Variants in ATP8A2 observed in about 807,000 individuals in gnomAD.
ATP8A2 encodes the protein ATPase phospholipid transporting 8A2.
In ATP8A2, 100 loss-of-function variants were observed where a neutral mutation model predicts 165.6. The observed-to-expected ratio is 0.60, with a 90% CI of 0.51 to 0.71. The LOEUF (loss-of-function observed/expected upper bound fraction) is 0.71, where lower values mean the gene tolerates loss of function less well. Ranked by LOEUF, ATP8A2 falls within the 30% of genes least tolerant of loss-of-function variation. The probability of loss-of-function intolerance (pLI) is 0.00; values close to 1 mark genes in which losing one functional copy is unlikely to be tolerated. For missense variants in ATP8A2, 1,227 were observed against 1,479.5 expected, an observed-to-expected ratio of 0.83 and a Z score of 2.80; for synonymous variants, 543 against 548.8, an observed-to-expected ratio of 0.99 and a Z score of 0.15.
At chr13:25,924,732 G>A (rs1954551211) in intron 33 of ATP8A2, among the ~76,000 whole-genome samples, 1 of 152,098 alleles carries the variant, frequency 6.6e-6, no homozygotes, top group Non-Finnish European at 1.5e-5. Flanking sequence ...ACCTTGAATT[G>A]TAGTTCCCAT....
chr13:25,609,097 G>A (rs1459378965), intron 24 of ATP8A2, among the ~76,000 whole-genome samples: 1 of 151,848 alleles, frequency 6.6e-6, no homozygotes, highest in African/African-American at 2.4e-5. Context: ...AAATGAACAA[G>A]CTATACATAC....
At chr13:25,565,899 A>T (rs1320358174) in intron 16 of ATP8A2, among the ~76,000 whole-genome samples, 1 of 151,240 alleles carries the variant, frequency 6.6e-6, no homozygotes, top group African/African-American at 2.5e-5. Flanking sequence ...TTATTCAATG[A>T]TCAAAACATT....
intron 33 of ATP8A2, among the ~76,000 whole-genome samples, chr13:25,892,351 G>A (rs1466249355): frequency 6.6e-6 from 1 of 152,082 alleles, no homozygotes; most frequent in Non-Finnish European, 1.5e-5. Flanking sequence ...GCACAGGGTG[G>A]CATCTCTTTA....
chr13:25,639,782 C>A (rs1049436948), intron 24 of ATP8A2, among the ~76,000 whole-genome samples: 1 of 152,202 alleles, frequency 6.6e-6, no homozygotes, highest in Non-Finnish European at 1.5e-5. Flanking sequence ...CTCTCCACCC[C>A]AAATCAACAG....
At chr13:25,941,016 C>T (rs76348638) in intron 33 of ATP8A2, among the ~76,000 whole-genome samples, 3,996 of 152,278 alleles carry the variant, frequency 0.026, 63 homozygotes, top group Non-Finnish European at 0.034. Flanking sequence ...CGCCCTTCTC[C>T]GGCCACATGG....
At chr13:25,905,603 C>G (rs1436293453) in intron 33 of ATP8A2, among the ~76,000 whole-genome samples, 2 of 152,234 alleles carry the variant, frequency 1.3e-5, no homozygotes, top group African/African-American at 4.8e-5. Context: ...TCCGGCCCCT[C>G]TCCATGCCCT....
intron 24 of ATP8A2, among the ~76,000 whole-genome samples, chr13:25,665,773 T>C (rs959116114): frequency 6.6e-6 from 1 of 151,916 alleles, no homozygotes; most frequent in Non-Finnish European, 1.5e-5. Flanking sequence ...GGACTTGAAC[T>C]CCTGGGCTCA....
intron 30 of ATP8A2, among the ~76,000 whole-genome samples, chr13:25,852,490 A>C (rs1357654230): frequency 6.6e-6 from 1 of 152,126 alleles, no homozygotes; most frequent in African/African-American, 2.4e-5. Context: ...ATGTGGTATA[A>C]AATTTCTGTC....
chr13:25,795,198 G>A (rs1045729390), intron 27 of ATP8A2, among the ~76,000 whole-genome samples: 1 of 152,162 alleles, frequency 6.6e-6, no homozygotes, highest in African/African-American at 2.4e-5. Context: ...TTCCTGAGAG[G>A]TTAGATGGTT....
At chr13:25,696,295 C>T (rs569561528) in intron 24 of ATP8A2, among the ~76,000 whole-genome samples, 28 of 152,310 alleles carry the variant, frequency 1.8e-4, no homozygotes, top group Admixed American at 1.4e-3. Flanking sequence ...ATTTTCAGAA[C>T]GGTAAATGAG....
At chr13:25,513,414 G>A (rs574523772) in intron 2 of ATP8A2, among the ~76,000 whole-genome samples, 1 of 143,600 alleles carries the variant, frequency 7.0e-6, no homozygotes, top group South Asian at 2.2e-4. Context: ...GCCGGGAAGA[G>A]GCGCTCCTCA....
chr13:25,531,478 A>G (rs915314380), intron 4 of ATP8A2, among the ~76,000 whole-genome samples: 1 of 145,696 alleles, frequency 6.9e-6, no homozygotes, highest in Non-Finnish European at 1.5e-5. Context: ...TTATATATAT[A>G]TGTTTGCATG....
At chr13:25,847,344 G>T (rs529016567) in intron 30 of ATP8A2, among the ~76,000 whole-genome samples, 1 of 152,146 alleles carries the variant, frequency 6.6e-6, no homozygotes, top group Non-Finnish European at 1.5e-5. Context: ...GTTTTAAACC[G>T]CAGTTATGAA....
chr13:25,775,841 T>G (rs560446022), intron 27 of ATP8A2, among the ~76,000 whole-genome samples: 2 of 152,336 alleles, frequency 1.3e-5, no homozygotes, highest in South Asian at 4.1e-4. Flanking sequence ...GAAATCAACT[T>G]TTTCTGATGT....
At chr13:25,971,547 C>T (rs1459675666) in intron 35 of ATP8A2, among the ~76,000 whole-genome samples, 3 of 151,954 alleles carry the variant, frequency 2.0e-5, no homozygotes, top group African/African-American at 7.3e-5. Flanking sequence ...AGCTGTTAAC[C>T]GCACAGGAAA....
intron 25 of ATP8A2, among the ~76,000 whole-genome samples, chr13:25,757,745 G>A (rs1178250763): frequency 6.6e-6 from 1 of 152,100 alleles, no homozygotes; most frequent in Non-Finnish European, 1.5e-5. Context: ...TGTTATATGT[G>A]TTCCTGACCC....
At chr13:25,379,523 A>G (rs1375585786) in intron 1 of ATP8A2, among the ~76,000 whole-genome samples, 4 of 152,216 alleles carry the variant, frequency 2.6e-5, no homozygotes, top group African/African-American at 9.6e-5. Context: ...GCACCATGGG[A>G]TCAGGCCTCT....
At chr13:25,820,090 G>A (rs1030741618) in intron 27 of ATP8A2, among the ~76,000 whole-genome samples, 14 of 152,340 alleles carry the variant, frequency 9.2e-5, no homozygotes, top group African/African-American at 3.4e-4. Flanking sequence ...AGTGTCGGCT[G>A]TTAGCTGAGA....
intron 25 of ATP8A2, among the ~76,000 whole-genome samples, chr13:25,754,875 A>G (rs1246848249): frequency 6.6e-6 from 1 of 152,164 alleles, no homozygotes; most frequent in African/African-American, 2.4e-5. Flanking sequence ...GTGTTATTTT[A>G]CATAGGCTTT....
Sources: allele counts gnomAD v4.1 joint callset (sites outside exome capture counted in the v4.1 genomes callset), GRCh38; gene constraint gnomAD v4.1.1; transcripts MANE v1.5; gene names NCBI Gene and HGNC (gene_info 2026-07-23, HGNC 2026-07-21).